ZP2: variants seen among roughly 807,000 people sequenced by gnomAD.
ZP2 encodes zona pellucida sperm-binding protein 2.
A neutral mutation model predicts 84.0 loss-of-function variants in ZP2; 51 were observed. The observed-to-expected ratio is 0.61, with a 90% CI of 0.49 to 0.77. The LOEUF is 0.77. ZP2 is among the 30% of genes least tolerant of loss of function. The probability of loss-of-function intolerance (pLI) is 0.00; values close to 1 mark genes in which losing one functional copy is unlikely to be tolerated. For missense variants in ZP2, 909 were observed against 911.9 expected, an observed-to-expected ratio of 1.00 and a Z score of 0.04; for synonymous variants, 375 against 330.9, an observed-to-expected ratio of 1.13 and a Z score of -1.45.
intron 5 of ZP2, chr16:21,206,016 C>G (rs930143619): frequency 3.7e-6 from 2 of 540,540 alleles, no homozygotes; most frequent in South Asian, 4.2e-5. Flanking sequence ...TTTCTCCCCC[C>G]AAGATAGAGT....
intron 4 of ZP2, among the ~76,000 whole-genome samples, chr16:21,208,696 C>A (rs2093260938): frequency 1.3e-5 from 2 of 152,162 alleles, no homozygotes; most frequent in Admixed American, 1.3e-4. Flanking sequence ...CCTTTTAACA[C>A]CTGTTTCTAT....
Position 21,201,572 on chromosome 16 carries a change from G to T in ZP2, c.1505-14C>A, listed in dbSNP as rs756093343. 4 of 1,602,238 alleles carry T rather than the reference G, an allele frequency of 2.5e-6. No individual in the cohort carries two copies. The highest frequency in any genetic ancestry group is 3.4e-6 in the Non-Finnish European group (4 of 1,172,884). On this transcript the variant is annotated splice_polypyrimidine_tract_variant and intron_variant, in intron 13 of 18. Transcript: ENST00000574091. ...GGTAGGAATTATCTGAAATTGAATG[G>T]TATTCAAGTAGTTAATGGCTGCAAC... is the stretch of plus-strand genomic sequence containing the variant.
chr16:21,204,114 C>T lies in ZP2; in HGVS notation c.888G>A (p.Val296=). Residue 296 remains valine (V), a synonymous_variant, in exon 9 of 19, where the codon GTG becomes GTA. Transcript: ENST00000574091. ...SVSFENQNID[V]SQLHDNGIDL... is the part of the protein sequence containing the mutation. ...CAATTCCATTGTCATGCAGCTGGCTCACATCAATGTTCTGGTTTTCAAAGC... is the reference window on the plus strand; with the variant it reads ...CAATTCCATTGTCATGCAGCTGGCTTACATCAATGTTCTGGTTTTCAAAGC... 1 of 1,614,150 alleles carries T rather than the reference C, an allele frequency of 6.2e-7. No individual in the cohort carries two copies. Among genetic ancestry groups the T allele is most frequent in the Non-Finnish European group, 8.5e-7 (1 of 1,180,034 alleles).
chr16:21,204,913 G>T (rs534559798), intron 7 of ZP2, among the ~76,000 whole-genome samples: 5 of 152,314 alleles, frequency 3.3e-5, no homozygotes, highest in Admixed American at 6.5e-5. Context: ...AACCCATAAA[G>T]CTTTCAGGAA....
chr16:21,211,189 T>C, intron 2 of ZP2, 118 bp downstream of exon 2: 3 of 839,786 alleles, frequency 3.6e-6, no homozygotes, highest in Non-Finnish European at 5.9e-6. Flanking sequence ...CTGACCAAGG[T>C]AATAAAGGGG....
chr16:21,199,519 T>A (rs1231036533), intron 16 of ZP2, 51 bp downstream of exon 16: 6 of 1,450,492 alleles, frequency 4.1e-6, no homozygotes, highest in Non-Finnish European at 4.7e-6. Context: ...TCTAAAAAGT[T>A]GATACTTGCT....
upstream of ZP2, among the ~76,000 whole-genome samples, chr16:21,213,341 G>T (rs1213745315): frequency 6.6e-6 from 1 of 152,166 alleles, no homozygotes. Flanking sequence ...CACTGTGCCC[G>T]GCCCTTTGCC....
At chr16:21,202,957 A>G (rs1277760302) in intron 10 of ZP2, among the ~76,000 whole-genome samples, 168 bp downstream of exon 10, 1 of 152,182 alleles carries the variant, frequency 6.6e-6, no homozygotes, top group Non-Finnish European at 1.5e-5. Context: ...TAAAAATATC[A>G]TACTTAGGAC....
chr16:21,209,943 T>G, intron 3 of ZP2, 166 bp downstream of exon 3: 1 of 704,678 alleles, frequency 1.4e-6, no homozygotes, highest in Non-Finnish European at 2.5e-6. Flanking sequence ...GACAGACAGG[T>G]CTTCCATGCT....
chr16:21,203,062 C>T (rs2093233306), intron 10 of ZP2, 63 bp downstream of exon 10: 9 of 1,570,158 alleles, frequency 5.7e-6, no homozygotes, highest in South Asian at 1.2e-5. Context: ...TATACATTTG[C>T]CCACATGTAC....
At chr16:21,207,680 A>ACC (rs1462899261) in intron 4 of ZP2, among the ~76,000 whole-genome samples, 62 of 138,842 alleles carry the variant, frequency 4.5e-4, no homozygotes, top group African/African-American at 1.6e-3. Context: ...ACACACACAC[A>ACC]CCACAAAAGT....
chr16:21,197,931 G>A (rs1054512115), intron 17 of ZP2, 82 bp from the exon 18 acceptor site: 2 of 1,377,012 alleles, frequency 1.5e-6, no homozygotes, highest in African/African-American at 1.4e-5. Flanking sequence ...TGATCCCACA[G>A]GTTGTTCATT....
intron 5 of ZP2, 143 bp from the exon 6 acceptor site, chr16:21,205,918 C>CTTAGATGTCATTATACTTCT (rs2152855792): frequency 2.7e-6 from 2 of 752,884 alleles, no homozygotes; most frequent in East Asian, 5.4e-5. Context: ...TGACTGTGCC[C>CTTAGATGTCATTATACTTCT]TTAGATGTCA....
chr16:21,198,668 C>T, intron 17 of ZP2, 111 bp downstream of exon 17: 2 of 836,446 alleles, frequency 2.4e-6, no homozygotes, highest in Admixed American at 4.9e-5. Context: ...GTCTTTTATT[C>T]TTCTATTGTT....
At chr16:21,214,136 C>G, upstream of ZP2, 1 of 703,460 alleles carries the variant, frequency 1.4e-6, no homozygotes, top group Non-Finnish European at 1.7e-6. Context: ...AGGGGCAGCA[C>G]AGAGACCCCA....
At position 21,202,020 on chromosome 16, in the gene ZP2, C is replaced by T. The variant is rs769526020; in HGVS notation, c.1291G>A (p.Glu431Lys). Residue 431 changes from glutamate to lysine, a missense_variant, in exon 12 of 19, where the codon GAA becomes AAA. Physicochemically the swap from Glu to Lys is moderately conservative, Grantham distance 56. Coordinates refer to ENST00000574091, the MANE Select transcript of ZP2 (RefSeq NM_001376232.1). Reference sequence around the variant, plus strand: ...TTTTCATAGACGACTTTATCATCTTCGAACTTAAATGTCAGAGAAAGTGGG... The same window carrying T: ...TTTTCATAGACGACTTTATCATCTTTGAACTTAAATGTCAGAGAAAGTGGG... Reference protein sequence around the residue: ...LNGCGTRYKFEDDKVVYENEI... With the variant: ...LNGCGTRYKFKDDKVVYENEI... 1.2e-5 allele frequency: 20 copies of T among 1,613,934 alleles called. 1 individual carries two copies. The highest frequency in any genetic ancestry group is 3.3e-4 in the Middle Eastern group (2 of 6,058).
intron 4 of ZP2, among the ~76,000 whole-genome samples, chr16:21,209,137 T>A (rs979799567): frequency 7.2e-5 from 11 of 152,166 alleles, no homozygotes; most frequent in Non-Finnish European, 1.3e-4. Context: ...CCAAAGATGT[T>A]TCTAGATGTT....
Position 21,201,391 on chromosome 16 carries a change from G to A in ZP2, c.1672C>T (p.Gln558Ter). Residue 558 changes from glutamine (Q) to a stop codon, truncating the protein, a stop_gained, in exon 14 of 19, where the codon CAG (glutamine) becomes TAG (stop). Coordinates refer to ENST00000574091, the MANE Select transcript of ZP2 (RefSeq NM_001376232.1). LOFTEE classifies it high-confidence loss of function. ...TACCCATCCACGACAACGTTCCACTGGGGGAAAGAGTCTGGATCCATGGTG... is the reference window on the plus strand; with the variant it reads ...TACCCATCCACGACAACGTTCCACTAGGGGAAAGAGTCTGGATCCATGGTG... ...TSTMDPDSFP[Q>*]WNVVVDGCAY... 7 of 1,589,324 alleles carry A rather than the reference G, an allele frequency of 4.4e-6. No homozygotes were observed.
chr16:21,199,891 C>T lies in ZP2; in HGVS notation c.1695-13G>A, dbSNP rs774649217. The T allele has an allele frequency of 1.9e-5, 30 of 1,611,970 alleles. No homozygotes were observed. Among genetic ancestry groups the T allele is most frequent in the Admixed American group, 1.0e-4 (6 of 59,980 alleles). ...GTCATATGCACAGCTAGGAGGTATGCACCAGGGAGGGATGTCAGTCATATG... is the reference window on the plus strand; with the variant it reads ...GTCATATGCACAGCTAGGAGGTATGTACCAGGGAGGGATGTCAGTCATATG... On this transcript the variant is annotated splice_polypyrimidine_tract_variant and intron_variant, in intron 14 of 18. Transcript: ENST00000574091.
Sources: allele counts gnomAD v4.1 joint callset (sites outside exome capture counted in the v4.1 genomes callset), GRCh38; gene constraint gnomAD v4.1.1; transcripts MANE v1.5; gene names NCBI Gene and HGNC (gene_info 2026-07-23, HGNC 2026-07-21).